SLC4A10: variants seen among roughly 807,000 people sequenced by gnomAD.
SLC4A10 encodes sodium-driven chloride bicarbonate exchanger.
In SLC4A10, 42 loss-of-function variants were observed where a neutral mutation model predicts 137.7. The ratio of observed to expected loss-of-function variants is 0.30; its 90% CI spans 0.24 to 0.39. The LOEUF (loss-of-function observed/expected upper bound fraction) is 0.39, where lower values mean the gene tolerates loss of function less well. Ranked by LOEUF, SLC4A10 falls within the 10% of genes least tolerant of loss-of-function variation. SLC4A10 has a pLI of 1.00. For missense variants in SLC4A10, 925 were observed against 1,355.0 expected (o/e 0.68, Z 4.98); for synonymous variants, 474 against 464.1 (o/e 1.02, Z -0.27).
At chr2:161,879,029 A>C in intron 8 of SLC4A10, 102 bp from the exon 9 acceptor site, 1 of 993,856 alleles carries the variant, frequency 1.0e-6, no homozygotes, top group Non-Finnish European at 1.4e-6. Flanking sequence ...TATTTAAACT[A>C]TATTTATTCA....
chr2:161,653,248 C>A (rs1169167191), intron 1 of SLC4A10, among the ~76,000 whole-genome samples: 6 of 152,150 alleles, frequency 3.9e-5, no homozygotes, highest in African/African-American at 1.4e-4. Flanking sequence ...TCCAATCTAT[C>A]ATTGATGGGC....
At chr2:161,704,002 C>T (rs1323479118) in intron 1 of SLC4A10, among the ~76,000 whole-genome samples, 1 of 151,642 alleles carries the variant, frequency 6.6e-6, no homozygotes, top group East Asian at 1.9e-4. Context: ...ACCTATGCCC[C>T]CAAGTTCAAC....
intron 18 of SLC4A10, 27 bp from the exon 19 acceptor site, chr2:161,950,660 A>T (rs1308725464): frequency 6.4e-7 from 1 of 1,562,590 alleles, no homozygotes; most frequent in Admixed American, 1.9e-5. Context: ...CCAGTTCATA[A>T]CTATGCACAT....
chr2:161,785,910 T>C (rs917871946), intron 2 of SLC4A10, among the ~76,000 whole-genome samples: 1 of 151,958 alleles, frequency 6.6e-6, no homozygotes, highest in Non-Finnish European at 1.5e-5. Flanking sequence ...TTGAATGGAA[T>C]GTTCAGTAGA....
intron 1 of SLC4A10, among the ~76,000 whole-genome samples, chr2:161,684,850 T>C (rs2041219104): frequency 6.6e-6 from 1 of 152,190 alleles, no homozygotes; most frequent in Admixed American, 6.5e-5. Context: ...ACAGGTTATG[T>C]CTTACTCACT....
chr2:161,957,263 A>C, intron 20 of SLC4A10, 23 bp downstream of exon 20: 6 of 1,598,690 alleles, frequency 3.8e-6, no homozygotes, highest in Non-Finnish European at 4.3e-6. Flanking sequence ...GTCTTTATGA[A>C]CTTGAGAGAA....
chr2:161,845,753 A>G (rs1478948162), intron 4 of SLC4A10, among the ~76,000 whole-genome samples: 1 of 152,130 alleles, frequency 6.6e-6, no homozygotes, highest in Non-Finnish European at 1.5e-5. Context: ...TTGAAAAATA[A>G]TGTTGGAGCA....
chr2:161,648,709 G>A (rs2036399590), intron 1 of SLC4A10, among the ~76,000 whole-genome samples: 1 of 152,154 alleles, frequency 6.6e-6, no homozygotes, highest in African/African-American at 2.4e-5. Context: ...AACATTGAGG[G>A]TGTACCCCAA....
At chr2:161,949,304 ATCTTC>A in intron 18 of SLC4A10, 43 bp downstream of exon 18, 2 of 1,299,574 alleles carry the variant, frequency 1.5e-6, no homozygotes, top group Non-Finnish European at 2.2e-6. Flanking sequence ...TCTCGGTCTA[ATCTTC>A]ATTTAGATGA....
At chr2:161,639,090 A>G (rs985206735) in intron 1 of SLC4A10, among the ~76,000 whole-genome samples, 3 of 152,128 alleles carry the variant, frequency 2.0e-5, no homozygotes, top group Non-Finnish European at 2.9e-5. Flanking sequence ...GAAGAAGTAG[A>G]CAACCAGAAC....
At chr2:161,975,713 A>G (rs1204453843) in intron 24 of SLC4A10, among the ~76,000 whole-genome samples, 1 of 152,194 alleles carries the variant, frequency 6.6e-6, no homozygotes, top group Non-Finnish European at 1.5e-5. Context: ...CCTATCACCA[A>G]TCAGGGTCAT....
chr2:161,787,857 A>G (rs1382118064), intron 2 of SLC4A10, among the ~76,000 whole-genome samples: 1 of 151,996 alleles, frequency 6.6e-6, no homozygotes, highest in Non-Finnish European at 1.5e-5. Context: ...ATTCTCTTGG[A>G]TATCATTGCA....
chr2:161,935,964 A>G (rs1691512583), intron 15 of SLC4A10, among the ~76,000 whole-genome samples: 1 of 151,986 alleles, frequency 6.6e-6, no homozygotes, highest in Non-Finnish European at 1.5e-5. Flanking sequence ...CATTCCTTCT[A>G]TGTTTAATTT....
chr2:161,851,670 A>C (rs1048281672), intron 4 of SLC4A10, among the ~76,000 whole-genome samples: 1 of 152,154 alleles, frequency 6.6e-6, no homozygotes, highest in African/African-American at 2.4e-5. Context: ...TATTATAAGA[A>C]AGGGTTTTAT....
chr2:161,868,602 C>A (rs756147263), intron 6 of SLC4A10, among the ~76,000 whole-genome samples: 9 of 151,276 alleles, frequency 5.9e-5, no homozygotes, highest in Non-Finnish European at 7.4e-5. Context: ...CAAACAGGTG[C>A]TAATATGAAT....
At chr2:161,761,683 T>G (rs138587981) in intron 1 of SLC4A10, among the ~76,000 whole-genome samples, 1 of 152,124 alleles carries the variant, frequency 6.6e-6, no homozygotes. Context: ...CTAGTAGATG[T>G]TAGGCCCACT....
intron 13 of SLC4A10, 102 bp from the exon 14 acceptor site, chr2:161,904,674 T>G (rs1040072899): frequency 4.2e-6 from 6 of 1,414,960 alleles, no homozygotes; most frequent in Non-Finnish European, 5.7e-6. Context: ...CTTTTCAGGG[T>G]GAAGCACAAA....
intron 1 of SLC4A10, among the ~76,000 whole-genome samples, chr2:161,765,261 A>C (rs529558596): frequency 6.6e-6 from 1 of 152,134 alleles, no homozygotes; most frequent in Non-Finnish European, 1.5e-5. Context: ...GCCCAAAAAA[A>C]TTTTAAAACA....
At chr2:161,863,248 G>T (rs2060535791) in intron 6 of SLC4A10, among the ~76,000 whole-genome samples, 186 bp downstream of exon 6, 2 of 151,996 alleles carry the variant, frequency 1.3e-5, no homozygotes, top group Admixed American at 1.3e-4. Flanking sequence ...TTTTAGAAAA[G>T]AACTTAAGTT....
Sources: gnomAD v4.1 joint callset for allele counts (sites outside exome capture counted in the v4.1 genomes callset) on GRCh38, gnomAD v4.1.1 for gene constraint, MANE v1.5 for transcripts, NCBI Gene and HGNC (gene_info 2026-07-23, HGNC 2026-07-21) for gene names.